Variants in CUX1 observed in about 807,000 individuals in gnomAD.
CUX1 encodes cut like homeobox 1, also known as protein CASP.
CUX1 carries 31 observed loss-of-function variants against 158.8 expected under a neutral mutation model. The observed-to-expected ratio is 0.20, with a 90% confidence interval of 0.15 to 0.26. The LOEUF (loss-of-function observed/expected upper bound fraction) is 0.26, where lower values mean the gene tolerates loss of function less well. Ranked by LOEUF, CUX1 falls within the 10% of genes least tolerant of loss-of-function variation. The pLI is 1.00. For synonymous variants in CUX1, 879 were observed against 862.1 expected, an observed-to-expected ratio of 1.02 and a Z score of -0.34; for missense variants, 1,589 against 2,014.6, an observed-to-expected ratio of 0.79 and a Z score of 4.04.
chr7:102,020,410 A>G (rs1443315409), intron 2 of CUX1, among the ~76,000 whole-genome samples: 1 of 151,824 alleles, frequency 6.6e-6, no homozygotes, highest in African/African-American at 2.4e-5. Context: ...TCCACATATC[A>G]TATAATATAT....
At chr7:102,165,097 C>T (rs1790868101) in intron 9 of CUX1, among the ~76,000 whole-genome samples, 1 of 152,092 alleles carries the variant, frequency 6.6e-6, no homozygotes, top group African/African-American at 2.4e-5. Flanking sequence ...TTCCTAACCA[C>T]AGCCACCTCT....
intron 8 of CUX1, among the ~76,000 whole-genome samples, chr7:102,141,772 A>C (rs1585877109): frequency 2.8e-5 from 4 of 142,534 alleles, no homozygotes; most frequent in Admixed American, 1.4e-4. Context: ...ACAGGTGCAC[A>C]CCACCACTCT....
intron 8 of CUX1, among the ~76,000 whole-genome samples, chr7:102,142,795 A>C (rs1834606087): frequency 6.6e-6 from 1 of 150,746 alleles, no homozygotes; most frequent in African/African-American, 2.5e-5. Context: ...GGTGATGCAC[A>C]CTTGTAGTCC....
intron 8 of CUX1, among the ~76,000 whole-genome samples, chr7:102,150,817 C>G (rs1835564423): frequency 6.6e-6 from 1 of 152,132 alleles, no homozygotes; most frequent in African/African-American, 2.4e-5. Flanking sequence ...TATTCTAGGC[C>G]AAACTGAAAT....
chr7:102,054,822 T>C (rs1368438099), intron 3 of CUX1, among the ~76,000 whole-genome samples: 1 of 152,062 alleles, frequency 6.6e-6, no homozygotes, highest in African/African-American at 2.4e-5. Context: ...AAGTTAAAGA[T>C]TAGCCAAGCA....
rs112759201 is a variant in CUX1, at chr7:102,254,056, G to C, written c.*5014G>C. The C allele has an allele frequency of 1.2e-5, 12 of 985,374 alleles. No homozygotes were observed. In the African/African-American group the frequency reaches 1.9e-4, roughly 16 times the overall value. 61.0% of individuals were successfully genotyped at this position (985,374 alleles called of 1,614,324 possible). ...AGCAGACACGAACATCCCTCTGCCT[G>C]GTGGGCCGGCTTTGTGTGTCTCTCC... On this transcript the variant is annotated 3_prime_UTR_variant, in exon 24 of 24. Transcript: ENST00000292535.
chr7:102,062,689 C>T (rs1825040628), intron 3 of CUX1, among the ~76,000 whole-genome samples: 1 of 152,128 alleles, frequency 6.6e-6, no homozygotes, highest in African/African-American at 2.4e-5. Flanking sequence ...TTTGTAGAGA[C>T]AGGATCTTGC....
At chr7:102,206,733 C>T (rs1417697594) in intron 20 of CUX1, among the ~76,000 whole-genome samples, 3 of 152,162 alleles carry the variant, frequency 2.0e-5, no homozygotes. Context: ...CCCGTCTCTA[C>T]TAAAGATACA....
At chr7:102,238,806 C>T (rs189382618) in intron 22 of CUX1, among the ~76,000 whole-genome samples, 1 of 152,222 alleles carries the variant, frequency 6.6e-6, no homozygotes, top group Non-Finnish European at 1.5e-5. Context: ...AGGTGAGGAC[C>T]TGACATTCCG....
intron 2 of CUX1, among the ~76,000 whole-genome samples, chr7:101,959,238 A>AGTGTGTGTGTGT (rs55733311): frequency 7.5e-5 from 11 of 145,706 alleles, no homozygotes; most frequent in African/African-American, 2.3e-4. Context: ...ATGTGTGTGC[A>AGTGTGTGTGTGT]GTGTGTGTGT....
rs1554538405 is a variant in CUX1 at position 102,248,914 on chromosome 7, G to A, written c.4390G>A (p.Glu1464Lys). 5 of 1,454,086 alleles carry A rather than the reference G, an allele frequency of 3.4e-6. No homozygotes were observed. Among genetic ancestry groups the A allele is most frequent in the African/African-American group, 3.0e-5 (2 of 67,582 alleles). The allele number at this position is 1,454,086 out of a possible 1,614,324, so 90.1% of individuals were successfully genotyped here. Residue 1464 changes from glutamate (E) to lysine (K), a missense_variant, in exon 24 of 24, where the codon GAG becomes AAG. This residue lies in a region of CUX1 where 344 missense variants were observed against 323.7 expected (regional missense o/e 1.06). Transcript: ENST00000292535. The surrounding 1 kb of genome is among the most constrained non-coding windows in gnomAD (Gnocchi z 5.8). ...SSLQSLFGLP[E>K]AAGARDSRDN... ...GCTGCAGAGCCTTTTCGGCCTCCCCGAGGCCGCGGGCGCCCGGGACTCGCG... is the reference window on the plus strand; with the variant it reads ...GCTGCAGAGCCTTTTCGGCCTCCCCAAGGCCGCGGGCGCCCGGGACTCGCG...
chr7:102,046,429 C>T (rs1480231679), intron 3 of CUX1, among the ~76,000 whole-genome samples: 2 of 152,040 alleles, frequency 1.3e-5, no homozygotes, highest in Middle Eastern at 3.2e-3. Flanking sequence ...GACAGGGTTT[C>T]GTCACGTTAG....
At chr7:102,019,960 T>G (rs1819152940) in intron 2 of CUX1, among the ~76,000 whole-genome samples, 1 of 152,220 alleles carries the variant, frequency 6.6e-6, no homozygotes, top group Admixed American at 6.5e-5. Flanking sequence ...TAAACCAGAT[T>G]TCTTTTATTT....
chr7:102,253,798 G>T lies in CUX1; in HGVS notation c.*4756G>T, dbSNP rs931837314. On this transcript the variant is annotated 3_prime_UTR_variant, in exon 24 of 24. Coordinates refer to ENST00000292535, the MANE Select transcript of CUX1 (RefSeq NM_181552.4). ...ACAGGGCGAGATGTAGCAACACGGG[G>T]CATGAGCGGTGGGCGTGCTGGGCTA... 120 of 985,642 alleles carry T rather than the reference G, an allele frequency of 1.2e-4. No homozygotes were observed. In the African/African-American group the frequency reaches 2.0e-3, roughly 17 times the overall value. The allele number at this position is 985,642 out of a possible 1,614,324, so 61.1% of individuals were successfully genotyped here. A position where few individuals can be genotyped will look rare whatever the true frequency, so the allele number is the denominator to read the frequency against.
intron 2 of CUX1, among the ~76,000 whole-genome samples, chr7:101,984,493 C>T (rs1814014268): frequency 2.4e-5 from 3 of 126,770 alleles, no homozygotes; most frequent in Admixed American, 7.9e-5. Flanking sequence ...GATTGTTCTC[C>T]GGCAAAAAAA....
rs782380608 is a variant in CUX1, at chr7:102,158,516, G to A, written c.675-44G>A. The A allele has an allele frequency of 1.6e-5, 25 of 1,606,776 alleles. No individual in the cohort carries two copies. The East Asian group carries it at 1.8e-4, about 11-fold the overall frequency. ...TGTCCCATCAGTCACCCCCTGAGCC[G>A]GTCTCCTTGTGACTAACCTGCTCTC... On this transcript the variant is annotated intron_variant, in intron 8 of 23. Coordinates refer to ENST00000292535, the MANE Select transcript of CUX1 (RefSeq NM_181552.4).
At chr7:101,871,861 T>A (rs1798588979) in intron 1 of CUX1, among the ~76,000 whole-genome samples, 1 of 151,736 alleles carries the variant, frequency 6.6e-6, no homozygotes, top group Non-Finnish European at 1.5e-5. Context: ...CTACTAAAAA[T>A]TAAAAAATTG....
chr7:102,041,411 T>C (rs1339461514), intron 3 of CUX1, among the ~76,000 whole-genome samples: 5 of 151,140 alleles, frequency 3.3e-5, no homozygotes, highest in Admixed American at 3.3e-4. Context: ...TGCGCCACCA[T>C]GTCCGGCTAA....
intron 1 of CUX1, among the ~76,000 whole-genome samples, chr7:101,871,416 T>G (rs1341446283): frequency 2.0e-5 from 3 of 151,874 alleles, no homozygotes; most frequent in African/African-American, 7.3e-5. Context: ...GGGCCCTGTG[T>G]CCTGTTGGTA....
Sources: allele counts gnomAD v4.1 joint callset (sites outside exome capture counted in the v4.1 genomes callset), GRCh38; gene constraint gnomAD v4.1.1; regional missense constraint gnomAD v4.1.1; non-coding constraint Gnocchi (gnomAD v3.1); transcripts MANE v1.5; gene names NCBI Gene and HGNC (gene_info 2026-07-23, HGNC 2026-07-21).